The following SLC30A8 variants were observed in gnomAD, a reference collection of about 807,000 sequenced individuals.
SLC30A8 encodes the protein solute carrier family 30 member 8, also known as proton-coupled zinc antiporter SLC30A8.
SLC30A8 carries 27 observed loss-of-function variants against 36.9 expected under a neutral mutation model. The observed-to-expected ratio is 0.73, with a 90% confidence interval of 0.54 to 1.01. SLC30A8 has a LOEUF of 1.01. SLC30A8 is among the 50% of genes least tolerant of loss of function. SLC30A8 has a pLI of 0.00. For missense variants in SLC30A8, 439 were observed against 452.0 expected (o/e 0.97, Z 0.26); for synonymous variants, 164 against 172.4 (o/e 0.95, Z 0.38).
At chr8:116,969,695 T>A (rs1418836942) in intron 1 of SLC30A8, among the ~76,000 whole-genome samples, 8 of 152,216 alleles carry the variant, frequency 5.3e-5, no homozygotes, top group African/African-American at 1.7e-4. Context: ...GTTACTGTAC[T>A]GAATCCTATA....
chr8:117,034,853 G>A (rs772230803), intron 1 of SLC30A8, among the ~76,000 whole-genome samples: 3 of 152,134 alleles, frequency 2.0e-5, no homozygotes, highest in Non-Finnish European at 4.4e-5. Context: ...TTACATGGTG[G>A]CAGGTGAGAG....
intron 2 of SLC30A8, among the ~76,000 whole-genome samples, chr8:117,045,334 C>T (rs987848876): frequency 6.6e-6 from 1 of 152,070 alleles, no homozygotes; most frequent in African/African-American, 2.4e-5. Flanking sequence ...TTCATCGTTC[C>T]CCCACCGTAC....
At chr8:116,984,211 T>A (rs913518277) in intron 1 of SLC30A8, among the ~76,000 whole-genome samples, 6 of 152,196 alleles carry the variant, frequency 3.9e-5, no homozygotes, top group African/African-American at 1.4e-4. Context: ...TTTTCACCTA[T>A]GAAATGACAT....
In SLC30A8 at chr8:117,171,373, T is replaced by G. The variant is rs7008307; in HGVS notation, c.964+205T>G. On this transcript the variant is annotated intron_variant, in intron 7 of 7. Transcript: ENST00000456015. ...ATGATACCCACGACATTCTTGGGGC[T>G]GACTGCAGAGGGCTGAGGACAGACA... Among the ~76,000 whole-genome samples, 340 of 152,180 alleles carry G rather than the reference T, an allele frequency of 2.2e-3. 2 individuals carry two copies. Among genetic ancestry groups the G allele is most frequent in the African/African-American group, 7.5e-3 (312 of 41,536 alleles).
chr8:116,995,759 G>C (rs1327299512), intron 1 of SLC30A8, among the ~76,000 whole-genome samples: 2 of 152,062 alleles, frequency 1.3e-5, no homozygotes, highest in Admixed American at 1.3e-4. Context: ...AGGCTGGTGG[G>C]AGCAGGGGAA....
chr8:116,981,886 A>G (rs1006430543), intron 1 of SLC30A8, among the ~76,000 whole-genome samples: 7 of 152,172 alleles, frequency 4.6e-5, no homozygotes, highest in Admixed American at 2.6e-4. Flanking sequence ...ATATGTGTGC[A>G]TGTGTCTTTA....
rs767229202 is a variant in SLC30A8 at position 117,171,135 on chromosome 8, A to C, written c.931A>C (p.Asn311His). The C allele has an allele frequency of 6.2e-7, 1 of 1,613,570 alleles. No homozygotes were observed. The highest frequency in any genetic ancestry group is 2.2e-5 in the East Asian group (1 of 44,862). ...HSLHIWSLTM[N>H]QVILSAHVAT... is the part of the protein sequence containing the mutation. ...CCTGCACATCTGGTCTCTAACAATG[A>C]ATCAAGTAATTCTCTCAGCTCATGT... Residue 311 changes from asparagine (N) to histidine (H), a missense_variant, in exon 7 of 8, where the codon AAT becomes CAT. By Grantham distance (68) the Asn-to-His change is moderately conservative (BLOSUM62 1). Coordinates refer to ENST00000456015, the MANE Select transcript of SLC30A8 (RefSeq NM_173851.3).
At chr8:117,011,028 G>A (rs1025670046) in intron 1 of SLC30A8, among the ~76,000 whole-genome samples, 8 of 152,252 alleles carry the variant, frequency 5.3e-5, no homozygotes, top group Admixed American at 2.0e-4. Flanking sequence ...CTTATCAGTC[G>A]TATATCTGGG....
At chr8:117,153,404 T>G (rs1463307784) in intron 3 of SLC30A8, among the ~76,000 whole-genome samples, 1 of 152,136 alleles carries the variant, frequency 6.6e-6, no homozygotes, top group Non-Finnish European at 1.5e-5. Flanking sequence ...TCTGCATCCC[T>G]GGAAGAGAGG....
At chr8:117,083,105 C>T (rs1283524578) in intron 2 of SLC30A8, among the ~76,000 whole-genome samples, 1 of 152,154 alleles carries the variant, frequency 6.6e-6, no homozygotes, top group Non-Finnish European at 1.5e-5. Flanking sequence ...ATTTACTTTC[C>T]CCACACTTCC....
chr8:116,998,045 T>C (rs967244954), intron 1 of SLC30A8, among the ~76,000 whole-genome samples: 4 of 151,672 alleles, frequency 2.6e-5, no homozygotes, highest in African/African-American at 9.8e-5. Context: ...TAAGCAGAGA[T>C]TGTAAGGTGA....
chr8:117,076,173 T>G (rs1417460561), intron 2 of SLC30A8, among the ~76,000 whole-genome samples: 1 of 152,248 alleles, frequency 6.6e-6, no homozygotes, highest in Non-Finnish European at 1.5e-5. Flanking sequence ...GCTTTCTAGC[T>G]GCTGTTCAGT....
At chr8:116,956,403 G>A (rs1563721390) in intron 1 of SLC30A8, among the ~76,000 whole-genome samples, 1 of 152,162 alleles carries the variant, frequency 6.6e-6, no homozygotes, top group Non-Finnish European at 1.5e-5. Flanking sequence ...GGATGTAACT[G>A]AAGTGTGGTA....
intron 2 of SLC30A8, among the ~76,000 whole-genome samples, chr8:117,087,729 T>C (rs1818937111): frequency 6.6e-6 from 1 of 152,226 alleles, no homozygotes. Context: ...GTGTCAGCTG[T>C]ACCCTCTCAT....
intron 2 of SLC30A8, among the ~76,000 whole-genome samples, chr8:117,069,872 GC>G (rs2130797046): frequency 1.3e-5 from 2 of 152,308 alleles, no homozygotes; most frequent in Admixed American, 1.3e-4. Flanking sequence ...CCCAAACAAG[GC>G]CACACACACG....
At chr8:116,960,050 C>A (rs1316183245) in intron 1 of SLC30A8, among the ~76,000 whole-genome samples, 1 of 152,224 alleles carries the variant, frequency 6.6e-6, no homozygotes, top group Non-Finnish European at 1.5e-5. Context: ...AGGCAGTCAT[C>A]TGGGTCACTT....
chr8:117,026,401 G>A (rs1816872982), intron 1 of SLC30A8, among the ~76,000 whole-genome samples: 1 of 152,098 alleles, frequency 6.6e-6, no homozygotes, highest in African/African-American at 2.4e-5. Context: ...CAGCAGAAAC[G>A]GCAAAGAGAA....
At chr8:117,076,206 G>A (rs1314656381) in intron 2 of SLC30A8, among the ~76,000 whole-genome samples, 1 of 152,172 alleles carries the variant, frequency 6.6e-6, no homozygotes, top group Non-Finnish European at 1.5e-5. Flanking sequence ...TGCCAGATAT[G>A]CCAATAAAAT....
intron 2 of SLC30A8, among the ~76,000 whole-genome samples, chr8:117,051,025 A>G (rs1284681981): frequency 6.6e-6 from 1 of 152,232 alleles, no homozygotes; most frequent in Non-Finnish European, 1.5e-5. Context: ...CTGAGAAGAG[A>G]TGTAATATTC....
Sources: allele counts gnomAD v4.1 joint callset (sites outside exome capture counted in the v4.1 genomes callset), GRCh38; gene constraint gnomAD v4.1.1; transcripts MANE v1.5; gene names NCBI Gene and HGNC (gene_info 2026-07-23, HGNC 2026-07-21).